Variants in GPR158 observed in about 807,000 individuals in gnomAD.
GPR158 encodes metabotropic glycine receptor.
A neutral mutation model predicts 78.2 loss-of-function variants in GPR158; 30 were observed. The ratio of observed to expected loss-of-function variants is 0.38; its 90% CI spans 0.29 to 0.52. GPR158 has a LOEUF of 0.52. Among genes scored for constraint, GPR158 ranks in the 20% least tolerant of loss-of-function variants. The pLI, the probability that GPR158 is intolerant of heterozygous loss-of-function variation, is 0.83. For missense variants in GPR158, 1,463 were observed against 1,523.5 expected (o/e 0.96, Z 0.66); for synonymous variants, 581 against 591.1 (o/e 0.98, Z 0.25).
intron 2 of GPR158, among the ~76,000 whole-genome samples, chr10:25,305,882 CCTT>C (rs757661245): frequency 2.3e-4 from 35 of 152,208 alleles, no homozygotes; most frequent in African/African-American, 3.4e-4. Flanking sequence ...GGAATTGTAT[CCTT>C]ATTTTTGGTT....
Position 25,598,612 on chromosome 10 carries a change from C to A in GPR158, c.2986C>A (p.Gln996Lys), listed in dbSNP as rs752360545. Reference protein sequence around the residue: ...ANSDLNPGTTQMKDNFDIGEV... With the variant: ...ANSDLNPGTTKMKDNFDIGEV... ...TTCTGACCTGAACCCAGGCACCACC[C>A]AGATGAAGGACAACTTTGACATTGG... The change falls in exon 11 of 11, where the codon CAG becomes AAG. Residue 996 changes from glutamine to lysine, a missense_variant. Physicochemically the swap from Gln to Lys is moderately conservative, Grantham distance 53. Transcript: ENST00000376351. The A allele has an allele frequency of 2.5e-6, 4 of 1,614,086 alleles. No homozygotes were observed. In the Admixed American group the frequency reaches 5.0e-5, roughly 20 times the overall value.
At chr10:25,556,974 G>T (rs889118611) in intron 6 of GPR158, among the ~76,000 whole-genome samples, 1 of 152,164 alleles carries the variant, frequency 6.6e-6, no homozygotes, top group South Asian at 2.1e-4. Flanking sequence ...TAGGCTTTTT[G>T]AGATGAAGAT....
chr10:25,559,979 AAAAC>A (rs1836840426), intron 6 of GPR158, among the ~76,000 whole-genome samples: 1 of 152,244 alleles, frequency 6.6e-6, no homozygotes, highest in Non-Finnish European at 1.5e-5. Context: ...GTGCGAAGGG[AAAAC>A]AAACAGCACA....
intron 4 of GPR158, among the ~76,000 whole-genome samples, chr10:25,460,268 C>A (rs1835340627): frequency 6.6e-6 from 1 of 150,826 alleles, no homozygotes. Context: ...GTAGCTCGAT[C>A]TGGGCTCACT....
chr10:25,537,269 TC>T (rs1427954555), intron 5 of GPR158, among the ~76,000 whole-genome samples: 2 of 152,200 alleles, frequency 1.3e-5, no homozygotes, highest in Non-Finnish European at 2.9e-5. Flanking sequence ...GACTCTTAAT[TC>T]ATTTAGCTCT....
chr10:25,389,221 A>G (rs552017515), intron 2 of GPR158, among the ~76,000 whole-genome samples: 7 of 152,288 alleles, frequency 4.6e-5, no homozygotes, highest in Admixed American at 2.6e-4. Context: ...ACCAATGGAC[A>G]TGTACTTCCT....
intron 2 of GPR158, among the ~76,000 whole-genome samples, chr10:25,387,518 T>A (rs963436763): frequency 8.4e-5 from 2 of 23,794 alleles, no homozygotes; most frequent in Non-Finnish European, 2.0e-4. Flanking sequence ...CTCTTCAAAT[T>A]TTTTTTTTTT....
intron 6 of GPR158, among the ~76,000 whole-genome samples, chr10:25,552,106 C>T (rs1037720464): frequency 6.6e-6 from 1 of 152,136 alleles, no homozygotes; most frequent in Non-Finnish European, 1.5e-5. Flanking sequence ...GTTTGACTCT[C>T]AAGATTCCCT....
intron 2 of GPR158, among the ~76,000 whole-genome samples, chr10:25,347,757 C>G (rs903087685): frequency 2.0e-5 from 3 of 151,974 alleles, no homozygotes; most frequent in Admixed American, 1.3e-4. Context: ...TTGAACTTTT[C>G]AGAAGAATTA....
chr10:25,261,962 A>G (rs1376268691), intron 2 of GPR158, among the ~76,000 whole-genome samples: 1 of 152,092 alleles, frequency 6.6e-6, no homozygotes, highest in African/African-American at 2.4e-5. Context: ...GAGCATCTGA[A>G]AATACATGAC....
At chr10:25,396,349 T>C (rs999461619) in intron 3 of GPR158, among the ~76,000 whole-genome samples, 1 of 152,210 alleles carries the variant, frequency 6.6e-6, no homozygotes, top group African/African-American at 2.4e-5. Context: ...GTTTATTTTA[T>C]TTATCAAGGT....
intron 5 of GPR158, among the ~76,000 whole-genome samples, chr10:25,481,548 A>G (rs968158170): frequency 3.9e-5 from 6 of 152,224 alleles, no homozygotes; most frequent in Non-Finnish European, 8.8e-5. Context: ...CTGAGGCAAC[A>G]TCAAATTATA....
chr10:25,307,836 G>A (rs933793377), intron 2 of GPR158, among the ~76,000 whole-genome samples: 1 of 151,960 alleles, frequency 6.6e-6, no homozygotes, highest in Non-Finnish European at 1.5e-5. Flanking sequence ...ATATTTTATA[G>A]TTTCTTGCAT....
chr10:25,332,290 G>A (rs931007666), intron 2 of GPR158, among the ~76,000 whole-genome samples: 2 of 152,186 alleles, frequency 1.3e-5, no homozygotes, highest in Non-Finnish European at 2.9e-5. Flanking sequence ...CTTTGATGAA[G>A]ATAGAAAATA....
intron 5 of GPR158, among the ~76,000 whole-genome samples, chr10:25,511,286 C>T (rs1836082306): frequency 6.6e-6 from 1 of 152,118 alleles, no homozygotes; most frequent in South Asian, 2.1e-4. Flanking sequence ...TTTTATTTCC[C>T]TGATCATTAG....
At chr10:25,244,099 C>G (rs1474104397) in intron 2 of GPR158, 1 of 152,010 alleles carries the variant, frequency 6.6e-6, no homozygotes, top group African/African-American at 2.4e-5. Context: ...GTCATCTTTT[C>G]TATACACATG....
At chr10:25,366,795 A>G (rs1010788622) in intron 2 of GPR158, among the ~76,000 whole-genome samples, 1 of 150,942 alleles carries the variant, frequency 6.6e-6, no homozygotes, top group African/African-American at 2.4e-5. Flanking sequence ...ACACTTTTAG[A>G]TTGTGTATTG....
intron 5 of GPR158, among the ~76,000 whole-genome samples, chr10:25,484,895 A>C (rs540130498): frequency 3.9e-5 from 6 of 152,194 alleles, no homozygotes; most frequent in Non-Finnish European, 5.9e-5. Flanking sequence ...AAAGGCTAAC[A>C]ATCTATACTT....
At chr10:25,516,034 G>A (rs1422854753) in intron 5 of GPR158, among the ~76,000 whole-genome samples, 12 of 151,424 alleles carry the variant, frequency 7.9e-5, no homozygotes, top group Non-Finnish European at 1.5e-4. Context: ...AGCACCTGTT[G>A]TTTCCTGACT....
Sources: allele counts gnomAD v4.1 joint callset (sites outside exome capture counted in the v4.1 genomes callset), GRCh38; gene constraint gnomAD v4.1.1; transcripts MANE v1.5; gene names NCBI Gene and HGNC (gene_info 2026-07-23, HGNC 2026-07-21).